Variants in RMDN2 observed in about 807,000 individuals in gnomAD.
RMDN2 encodes regulator of microtubule dynamics 2, also known as regulator of microtubule dynamics protein 2.
A neutral mutation model predicts 52.8 loss-of-function variants in RMDN2; 61 were observed. The observed-to-expected ratio is 1.16, with a 90% confidence interval of 0.94 to 1.43. The LOEUF is 1.43. Among genes scored for constraint, RMDN2 ranks in the 40% most tolerant of loss-of-function variants. RMDN2 has a pLI of 0.00. For synonymous variants in RMDN2, 180 were observed against 153.1 expected (o/e 1.18, Z -1.30); for missense variants, 592 against 475.3 (o/e 1.25, Z -2.28).
chr2:37,934,753 T>C (rs757797212), intron 2 of RMDN2, among the ~76,000 whole-genome samples: 2 of 152,158 alleles, frequency 1.3e-5, no homozygotes, highest in African/African-American at 2.4e-5. Flanking sequence ...CTAGTTCACA[T>C]TGATGTTTTC....
chr2:38,026,416 C>T (rs7598520), intron 10 of RMDN2, among the ~76,000 whole-genome samples: 8,774 of 152,100 alleles, frequency 0.058, 820 homozygotes, highest in African/African-American at 0.19. Flanking sequence ...ATCAATGTTG[C>T]TGAGCTTCTG....
chr2:38,015,181 T>A (rs905674617), intron 10 of RMDN2, among the ~76,000 whole-genome samples: 4 of 152,214 alleles, frequency 2.6e-5, no homozygotes, highest in Non-Finnish European at 4.4e-5. Context: ...GTCTGGGTTC[T>A]GCCCTTCTGG....
chr2:38,032,560 C>G (rs1341870454), intron 10 of RMDN2, among the ~76,000 whole-genome samples: 1 of 152,218 alleles, frequency 6.6e-6, no homozygotes, highest in Non-Finnish European at 1.5e-5. Flanking sequence ...CACTTACAGG[C>G]TGGGCACAGT....
intron 10 of RMDN2, among the ~76,000 whole-genome samples, chr2:38,056,227 T>C (rs1253207089): frequency 2.6e-5 from 4 of 152,198 alleles, no homozygotes; most frequent in African/African-American, 4.8e-5. Context: ...CTCCCTGATA[T>C]TGTGTCTCTC....
chr2:38,045,524 A>C (rs1681218492), intron 10 of RMDN2, among the ~76,000 whole-genome samples: 1 of 152,234 alleles, frequency 6.6e-6, no homozygotes, highest in Non-Finnish European at 1.5e-5. Flanking sequence ...TGGTGGAACA[A>C]GGAGCTTTAG....
intron 10 of RMDN2, among the ~76,000 whole-genome samples, chr2:38,059,675 A>T (rs1442501357): frequency 6.6e-6 from 1 of 152,176 alleles, no homozygotes; most frequent in Non-Finnish European, 1.5e-5. Flanking sequence ...AGGCTTCATT[A>T]GAGAGATGAG....
chr2:38,048,945 A>G lies in RMDN2; in HGVS notation c.1714-18037A>G, dbSNP rs74715616. Reference sequence around the variant, plus strand: ...CATTATGATCATTCCACAAACAGGTATTGAGTACCTGCTTACTGTTAGACA... The same window carrying G: ...CATTATGATCATTCCACAAACAGGTGTTGAGTACCTGCTTACTGTTAGACA... On this transcript the variant is annotated intron_variant, in intron 10 of 10. Coordinates refer to the RMDN2 transcript ENST00000234195. Among the ~76,000 whole-genome samples the G allele has an allele frequency of 2.3e-3, 356 of 152,338 alleles. 2 individuals are homozygous for G. The highest frequency in any genetic ancestry group is 7.2e-3 in the African/African-American group (299 of 41,574).
At chr2:38,018,164 A>C (rs779423394), downstream of RMDN2, among the ~76,000 whole-genome samples, 2 of 152,292 alleles carry the variant, frequency 1.3e-5, no homozygotes, top group Admixed American at 6.5e-5. Context: ...CACAGGGAAT[A>C]CGATGGCTTA....
intron 10 of RMDN2, among the ~76,000 whole-genome samples, chr2:38,057,201 T>C (rs1177229171): frequency 5.9e-5 from 9 of 152,236 alleles, no homozygotes; most frequent in Admixed American, 3.9e-4. Flanking sequence ...TGGCAAACTT[T>C]TCCTGTAAGA....
chr2:37,922,385 A>T (rs964391342), upstream of RMDN2, among the ~76,000 whole-genome samples: 1 of 151,340 alleles, frequency 6.6e-6, no homozygotes, highest in Non-Finnish European at 1.5e-5. Context: ...TTGTCATTCA[A>T]TTGCTTCCTG....
chr2:37,956,592 G>T (rs898547778), intron 2 of RMDN2, among the ~76,000 whole-genome samples: 16 of 151,454 alleles, frequency 1.1e-4, no homozygotes, highest in African/African-American at 2.4e-4. Flanking sequence ...TTAGTTCTTT[G>T]TCTAGTTTCT....
intron 2 of RMDN2, chr2:37,950,103 T>C (rs959764394): frequency 5.6e-6 from 1 of 177,096 alleles, no homozygotes; most frequent in Admixed American, 5.6e-5. Flanking sequence ...ACATTTGCTT[T>C]TCCGTATCAC....
At position 37,997,383 on chromosome 2, in the gene RMDN2, CTT is replaced by C. The variant is rs1675699873; in HGVS notation, c.946-31_946-30del. On this transcript the variant is annotated intron_variant, in intron 7 of 10. Transcript: ENST00000354545. ...GATAATCCATTCAAAAGGTGAACAACTTTCTAAGAGTGATGTTGTTGTGTATT... is the reference window on the plus strand; with the variant it reads ...GATAATCCATTCAAAAGGTGAACAACTCTAAGAGTGATGTTGTTGTGTATT... 7 of 1,405,226 alleles carry C rather than the reference CTT, an allele frequency of 5.0e-6. No individual in the cohort carries two copies. The South Asian group carries it at 8.1e-5, about 16-fold the overall frequency. The allele number at this position is 1,405,226 out of a possible 1,614,324, so 87.0% of individuals were successfully genotyped here.
At chr2:37,997,560 C>G (rs1272844441) in intron 8 of RMDN2, 46 bp downstream of exon 8, 1 of 1,160,400 alleles carries the variant, frequency 8.6e-7, no homozygotes, top group East Asian at 2.3e-5. Flanking sequence ...TGATTACCAT[C>G]TGCACCAATC....
At chr2:37,936,047 C>G (rs1156566155) in intron 2 of RMDN2, among the ~76,000 whole-genome samples, 1 of 152,144 alleles carries the variant, frequency 6.6e-6, no homozygotes, top group Non-Finnish European at 1.5e-5. Flanking sequence ...TACCCCTCCC[C>G]ATACTCCCCA....
At chr2:37,934,293 T>G (rs17021759) in intron 2 of RMDN2, among the ~76,000 whole-genome samples, 3,585 of 152,286 alleles carry the variant, frequency 0.024, 337 homozygotes, top group East Asian at 0.22. Flanking sequence ...TCTGTAACCA[T>G]TATTAGAATC....
intron 5 of RMDN2, among the ~76,000 whole-genome samples, chr2:37,985,578 G>C (rs1258735074): frequency 1.3e-5 from 2 of 152,114 alleles, no homozygotes; most frequent in Admixed American, 1.3e-4. Context: ...CTGTCAATCT[G>C]GGGGTGATTC....
At chr2:37,963,632 G>A (rs1211783301) in intron 2 of RMDN2, among the ~76,000 whole-genome samples, 1 of 152,158 alleles carries the variant, frequency 6.6e-6, no homozygotes, top group African/African-American at 2.4e-5. Context: ...ACAGGGTTGG[G>A]GGCAAGGTCA....
intron 4 of RMDN2, among the ~76,000 whole-genome samples, chr2:37,979,026 G>A (rs951863562): frequency 2.0e-5 from 3 of 152,040 alleles, no homozygotes; most frequent in Non-Finnish European, 4.4e-5. Flanking sequence ...GGAATTCAGG[G>A]GCTAAAATGA....
Sources: gnomAD v4.1 joint callset for allele counts (sites outside exome capture counted in the v4.1 genomes callset) on GRCh38, gnomAD v4.1.1 for gene constraint, MANE v1.5 for transcripts, NCBI Gene and HGNC (gene_info 2026-07-23, HGNC 2026-07-21) for gene names.